The following ADRA1B variants were observed in gnomAD, a reference collection of about 807,000 sequenced individuals.
ADRA1B encodes the protein alpha-1B adrenergic receptor.
A neutral mutation model predicts 17.9 loss-of-function variants in ADRA1B; 17 were observed. The ratio of observed to expected loss-of-function variants is 0.95; its 90% CI spans 0.65 to 1.42. The LOEUF (loss-of-function observed/expected upper bound fraction) is 1.42. ADRA1B is among the 40% of genes most tolerant of loss of function. The pLI is 0.00. For synonymous variants in ADRA1B, 366 were observed against 327.6 expected (o/e 1.12, Z -1.27); for missense variants, 681 against 722.1 (o/e 0.94, Z 0.65).
At chr5:159,872,770 T>C (rs1288545633) in intron 1 of ADRA1B, among the ~76,000 whole-genome samples, 1 of 152,156 alleles carries the variant, frequency 6.6e-6, no homozygotes, top group East Asian at 1.9e-4. Flanking sequence ...AGATCTGGGC[T>C]TTTATAAAAA....
chr5:159,896,868 T>A (rs901703724), intron 1 of ADRA1B, among the ~76,000 whole-genome samples: 2 of 152,142 alleles, frequency 1.3e-5, no homozygotes, highest in Admixed American at 6.5e-5. Flanking sequence ...TGAATTCCCA[T>A]GGAAAAGCAC....
intron 1 of ADRA1B, among the ~76,000 whole-genome samples, chr5:159,886,134 G>A (rs1359317875): frequency 6.6e-6 from 1 of 152,214 alleles, no homozygotes; most frequent in Non-Finnish European, 1.5e-5. Flanking sequence ...CAATGCTTAA[G>A]TAATGGTGAT....
In ADRA1B at chr5:159,907,505, GA is replaced by G. The variant is rs35505013; in HGVS notation, c.-255-8604del. On this transcript the variant is annotated intron_variant, in intron 1 of 2. Transcript: ENST00000641205. ...TGTTTGTTCAGGGCAATTTATGTCA[GA>G]AAAAAAAAATGCATCAGTGACATCA... Among the ~76,000 whole-genome samples, 9 of 149,970 alleles carry G rather than the reference GA, an allele frequency of 6.0e-5. No homozygotes were observed. The East Asian group carries it at 9.8e-4, about 16-fold the overall frequency.
chr5:159,907,775 T>C (rs1361531576), intron 1 of ADRA1B, among the ~76,000 whole-genome samples: 1 of 151,988 alleles, frequency 6.6e-6, no homozygotes, highest in Non-Finnish European at 1.5e-5. Context: ...GAAGCTTAAA[T>C]AAATAAAGTA....
intron 1 of ADRA1B, among the ~76,000 whole-genome samples, chr5:159,900,742 G>A (rs1404103699): frequency 6.6e-6 from 1 of 152,212 alleles, no homozygotes; most frequent in African/African-American, 2.4e-5. Flanking sequence ...CAGGTTGGGG[G>A]GTGGGCAGCC....
At chr5:159,944,145 A>G (rs1225240698) in intron 1 of ADRA1B, among the ~76,000 whole-genome samples, 2 of 152,256 alleles carry the variant, frequency 1.3e-5, no homozygotes, top group Admixed American at 6.5e-5. Flanking sequence ...TGAACCTTTC[A>G]TGCAGAGTTT....
At chr5:159,876,725 T>C (rs1753808023) in intron 1 of ADRA1B, among the ~76,000 whole-genome samples, 1 of 152,222 alleles carries the variant, frequency 6.6e-6, no homozygotes, top group Non-Finnish European at 1.5e-5. Flanking sequence ...GTTGGAATGC[T>C]GGGGAAGAAC....
chr5:159,912,674 T>C (rs1235788735), upstream of ADRA1B, among the ~76,000 whole-genome samples: 2 of 152,268 alleles, frequency 1.3e-5, no homozygotes, highest in East Asian at 1.9e-4. Flanking sequence ...TGAATACCAA[T>C]GCTACTTACT....
At chr5:159,930,511 G>A (rs917205834) in intron 1 of ADRA1B, among the ~76,000 whole-genome samples, 1 of 152,120 alleles carries the variant, frequency 6.6e-6, no homozygotes, top group Non-Finnish European at 1.5e-5. Flanking sequence ...CGCAGGAGGC[G>A]GAGGTTGCAG....
chr5:159,969,192 C>A (rs1209817026), intron 1 of ADRA1B, among the ~76,000 whole-genome samples: 2 of 152,198 alleles, frequency 1.3e-5, no homozygotes, highest in Non-Finnish European at 2.9e-5. Context: ...CCTCATTTCC[C>A]CCAACCTAAA....
At chr5:159,946,005 C>T (rs556831836) in intron 1 of ADRA1B, among the ~76,000 whole-genome samples, 177 of 152,288 alleles carry the variant, frequency 1.2e-3, no homozygotes, top group African/African-American at 4.0e-3. Context: ...CCTCGGCCTC[C>T]CAAAGTGCTG....
chr5:159,888,945 G>T (rs886942073), intron 1 of ADRA1B, among the ~76,000 whole-genome samples: 3 of 152,178 alleles, frequency 2.0e-5, no homozygotes, highest in Non-Finnish European at 4.4e-5. Context: ...TTGATTAGTT[G>T]CAGCCAAAAA....
the ADRA1B span, among the ~76,000 whole-genome samples, chr5:159,986,181 G>A: frequency 1.3e-5 from 2 of 152,108 alleles, no homozygotes; most frequent in Non-Finnish European, 2.9e-5. Flanking sequence ...CTGCAGCCTC[G>A]AACTCCTGGC....
At chr5:159,984,539 T>C in the ADRA1B span, among the ~76,000 whole-genome samples, 1 of 152,122 alleles carries the variant, frequency 6.6e-6, no homozygotes. Context: ...AACTAACCTC[T>C]GTGCTTCCAC....
chr5:159,987,409 G>A, the ADRA1B span, among the ~76,000 whole-genome samples: 12 of 152,314 alleles, frequency 7.9e-5, no homozygotes, highest in Middle Eastern at 0.01. Context: ...CGCCTGGAGC[G>A]GGGCATCCTT....
At chr5:159,927,381 GCACACACACACACA>G (rs59807316) in intron 1 of ADRA1B, among the ~76,000 whole-genome samples, 1 of 140,636 alleles carries the variant, frequency 7.1e-6, no homozygotes, top group African/African-American at 2.7e-5. Context: ...ATTAAAACAT[GCACACACACACACA>G]CACACACACA....
At chr5:159,950,203 C>A (rs568045711) in intron 1 of ADRA1B, among the ~76,000 whole-genome samples, 1 of 152,336 alleles carries the variant, frequency 6.6e-6, no homozygotes, top group African/African-American at 2.4e-5. Flanking sequence ...CTGGTTCCAG[C>A]TTGCAAGGAA....
rs1755906878 is a variant in ADRA1B at position 159,972,738 on chromosome 5, C to G, written c.*246C>G. ...CCCGACGCCGCCGGGATTTACCTCTCTCTCTCCCTCTGTGTATATATAAAC... is the reference window on the plus strand; with the variant it reads ...CCCGACGCCGCCGGGATTTACCTCTGTCTCTCCCTCTGTGTATATATAAAC... On this transcript the variant is annotated 3_prime_UTR_variant, in exon 2 of 2. Transcript: ENST00000306675. Among the ~76,000 whole-genome samples the G allele has an allele frequency of 6.6e-6, 1 of 152,132 alleles. No homozygotes were observed. The highest frequency in any genetic ancestry group is 1.5e-5 in the Non-Finnish European group (1 of 68,008).
intron 1 of ADRA1B, among the ~76,000 whole-genome samples, chr5:159,874,205 A>G (rs1753779222): frequency 6.6e-6 from 1 of 152,196 alleles, no homozygotes; most frequent in African/African-American, 2.4e-5. Flanking sequence ...TAGAGCCACA[A>G]TAAAGGCCTG....
Sources: allele counts gnomAD v4.1 joint callset (sites outside exome capture counted in the v4.1 genomes callset), GRCh38; gene constraint gnomAD v4.1.1; transcripts MANE v1.5; gene names NCBI Gene and HGNC (gene_info 2026-07-23, HGNC 2026-07-21).